The following PCDHGB7 variants were observed in gnomAD, a reference collection of about 807,000 sequenced individuals.
The protein encoded by PCDHGB7 is protocadherin gamma-B7.
In PCDHGB7, 37 loss-of-function variants were observed where a neutral mutation model predicts 61.4. The ratio of observed to expected loss-of-function variants is 0.60; its 90% confidence interval spans 0.46 to 0.79. PCDHGB7 has a LOEUF of 0.79. Among genes scored for constraint, PCDHGB7 ranks in the 30% least tolerant of loss-of-function variants. The pLI is 0.00. For synonymous variants in PCDHGB7, 464 were observed against 503.5 expected, an observed-to-expected ratio of 0.92 and a Z score of 1.05; for missense variants, 1,166 against 1,202.5, an observed-to-expected ratio of 0.97 and a Z score of 0.45.
At chr5:141,441,655 C>A in intron 1 of PCDHGB7, 1 of 247,430 alleles carries the variant, frequency 4.0e-6, no homozygotes. Context: ...TTCTAGGTGT[C>A]CTTGAGCGCA....
intron 1 of PCDHGB7, among the ~76,000 whole-genome samples, chr5:141,425,778 C>G (rs2096893107): frequency 6.6e-6 from 1 of 152,160 alleles, no homozygotes; most frequent in African/African-American, 2.4e-5. Flanking sequence ...AAGACTTTGC[C>G]TAGTTCTTCC....
At position 141,494,925 on chromosome 5, in the gene PCDHGB7, G is replaced by A. The variant is rs936071950; in HGVS notation, c.2474+60G>A. On this transcript the variant is annotated intron_variant, in intron 2 of 3. Coordinates refer to ENST00000398594, the MANE Select transcript of PCDHGB7 (RefSeq NM_018927.4). ...TGCGGCATTTTCTCAGGGATGACGT[G>A]GGAGGAGATGGGGGAGGGCCCAGCA... is the stretch of plus-strand genomic sequence containing the variant. The A allele has an allele frequency of 3.3e-4, 525 of 1,613,316 alleles. 2 individuals carry two copies. Among genetic ancestry groups the A allele is most frequent in the Admixed American group, 4.7e-4 (28 of 59,956 alleles).
At chr5:141,443,872 A>G (rs1446612063) in intron 1 of PCDHGB7, among the ~76,000 whole-genome samples, 1 of 152,212 alleles carries the variant, frequency 6.6e-6, no homozygotes, top group South Asian at 2.1e-4. Context: ...AAAATTACTG[A>G]TAAGTCAAGA....
In PCDHGB7 at chr5:141,511,335, A is replaced by T; in HGVS notation, c.*162A>T. 7.0e-7 allele frequency: 1 copy of T among 1,438,820 alleles called. No homozygotes were observed. The highest frequency in any genetic ancestry group is 9.2e-7 in the Non-Finnish European group (1 of 1,083,596). The allele number at this position is 1,438,820 out of a possible 1,614,324, so 89.1% of individuals were successfully genotyped here. A position where few individuals can be genotyped will look rare whatever the true frequency, so the allele number is the denominator to read the frequency against. On this transcript the variant is annotated 3_prime_UTR_variant, in exon 4 of 4. Coordinates refer to ENST00000398594, the MANE Select transcript of PCDHGB7 (RefSeq NM_018927.4). ...AAACAGAAACAAGTGCCCAGTCAGC[A>T]CCTACCCCTTCCCCCCCAGGGGGTT...
At position 141,476,151 on chromosome 5, in the gene PCDHGB7, G is replaced by A; in HGVS notation, c.2416-18656G>A. Reference sequence around the variant, plus strand: ...GAGGCCTGGAGGAGCGGACTGGTAAGCACCGGGAGGGTAGTGGGAGTTTTG... The same window carrying A: ...GAGGCCTGGAGGAGCGGACTGGTAAACACCGGGAGGGTAGTGGGAGTTTTG... On this transcript the variant is annotated intron_variant, in intron 1 of 3. Transcript: ENST00000398594. This position sits in a 1 kb window ranked among gnomAD's most constrained non-coding sequence, Gnocchi z 7.6. 1 of 1,612,022 alleles carries A rather than the reference G, an allele frequency of 6.2e-7. No individual in the cohort carries two copies. Among genetic ancestry groups the A allele is most frequent in the Admixed American group, 1.7e-5 (1 of 60,014 alleles).
At chr5:141,488,784 T>C (rs116057353) in intron 1 of PCDHGB7, among the ~76,000 whole-genome samples, 1 of 152,248 alleles carries the variant, frequency 6.6e-6, no homozygotes, top group African/African-American at 2.4e-5. Flanking sequence ...TTGTATCACT[T>C]TGTCTTCCCT....
chr5:141,433,232 C>T (rs1344380820), intron 1 of PCDHGB7: 1 of 1,516,488 alleles, frequency 6.6e-7, no homozygotes, highest in Admixed American at 1.9e-5. Flanking sequence ...ATTGCTCTGT[C>T]TCCCAAGCTG....
chr5:141,500,894 C>G (rs1221911920), intron 2 of PCDHGB7, among the ~76,000 whole-genome samples: 1 of 150,982 alleles, frequency 6.6e-6, no homozygotes, highest in African/African-American at 2.4e-5. Flanking sequence ...TTTTTTGAGA[C>G]AGTCTCGCTC....
In PCDHGB7 at chr5:141,423,740, GA is replaced by G. The variant is rs778655137; in HGVS notation, c.2415+3470del. 7 of 698,952 alleles carry G rather than the reference GA, an allele frequency of 1.0e-5. No individual in the cohort carries two copies. The African/African-American group carries it at 1.9e-4, about 19-fold the overall frequency. The allele number at this position is 698,952 out of a possible 1,614,324, so 43.3% of individuals were successfully genotyped here. ...AGGAGATGTTTTTTGAGCCTGTTAT[GA>G]AAACTGTTTGGGGGGGGGGTGGGGC... On this transcript the variant is annotated intron_variant, in intron 1 of 3. Coordinates refer to ENST00000398594, the MANE Select transcript of PCDHGB7 (RefSeq NM_018927.4).
chr5:141,432,452 C>G lies in PCDHGB7; in HGVS notation c.2415+12178C>G. The G allele has an allele frequency of 6.2e-7, 1 of 1,614,212 alleles. No individual in the cohort carries two copies. The highest frequency in any genetic ancestry group is 8.5e-7 in the Non-Finnish European group (1 of 1,180,042). On this transcript the variant is annotated intron_variant, in intron 1 of 3. Coordinates refer to ENST00000398594, the MANE Select transcript of PCDHGB7 (RefSeq NM_018927.4). The surrounding 1 kb of genome is among the most constrained non-coding windows in gnomAD (Gnocchi z 6.0). ...CGACAATGCGCCCGAGATCCTGTACCCCGCCCTCCCCACGGACGGTTCCAC... is the reference window on the plus strand; with the variant it reads ...CGACAATGCGCCCGAGATCCTGTACGCCGCCCTCCCCACGGACGGTTCCAC...
rs766168062 is a variant in PCDHGB7, at chr5:141,491,124, G to A, written c.2416-3683G>A. ...TCGTGTCTACACACACTGGTGAGGT[G>A]CGCACAGCCCGGGCCTTACTGGAGG... On this transcript the variant is annotated intron_variant, in intron 1 of 3. Transcript: ENST00000398594. The surrounding 1 kb of genome is among the most constrained non-coding windows in gnomAD (Gnocchi z 6.9). 22 of 1,614,092 alleles carry A rather than the reference G, an allele frequency of 1.4e-5. No individual in the cohort carries two copies. The highest frequency in any genetic ancestry group is 3.3e-5 in the Admixed American group (2 of 60,004).
In PCDHGB7 at chr5:141,432,296, G is replaced by T; in HGVS notation, c.2415+12022G>T. On this transcript the variant is annotated intron_variant, in intron 1 of 3. Coordinates refer to ENST00000398594, the MANE Select transcript of PCDHGB7 (RefSeq NM_018927.4). This position sits in a 1 kb window ranked among gnomAD's most constrained non-coding sequence, Gnocchi z 6.0. ...CGTGTCCATCAACTCCGACACTGGG[G>T]TACTGTATGCGCTGAGCTCCTTCGA... 1 of 1,614,224 alleles carries T rather than the reference G, an allele frequency of 6.2e-7. No individual in the cohort carries two copies. Among genetic ancestry groups the T allele is most frequent in the Non-Finnish European group, 8.5e-7 (1 of 1,180,044 alleles).
intron 1 of PCDHGB7, chr5:141,422,453 G>GA: frequency 6.2e-7 from 1 of 1,611,704 alleles, no homozygotes. Context: ...ATAACAAGCA[G>GA]AGTGCTGGAC....
intron 1 of PCDHGB7, among the ~76,000 whole-genome samples, chr5:141,484,306 C>T (rs1009067603): frequency 6.6e-6 from 1 of 152,184 alleles, no homozygotes; most frequent in African/African-American, 2.4e-5. Context: ...GCTTCCTCCA[C>T]CCCGCTTCCA....
chr5:141,465,777 C>G (rs2099109055), intron 1 of PCDHGB7, among the ~76,000 whole-genome samples: 2 of 151,768 alleles, frequency 1.3e-5, no homozygotes, highest in African/African-American at 2.4e-5. Flanking sequence ...TCTCTTGTTA[C>G]AGTTTTTTTT....
chr5:141,456,026 T>A (rs2098840894), intron 1 of PCDHGB7, among the ~76,000 whole-genome samples: 1 of 151,690 alleles, frequency 6.6e-6, no homozygotes, highest in African/African-American at 2.4e-5. Context: ...GCCTCCCGAG[T>A]AGCTGGGACT....
Position 141,489,492 on chromosome 5 carries a change from G to T in PCDHGB7, c.2416-5315G>T, listed in dbSNP as rs1258376136. On this transcript the variant is annotated intron_variant, in intron 1 of 3. Coordinates refer to ENST00000398594, the MANE Select transcript of PCDHGB7 (RefSeq NM_018927.4). The surrounding 1 kb of genome is among the most constrained non-coding windows in gnomAD (Gnocchi z 4.5). ...CCCTGAGCTTGATGAGTGGTGCCCT[G>T]GCAGTGAATCAAAAGATTGACCGAG... 1 of 1,614,042 alleles carries T rather than the reference G, an allele frequency of 6.2e-7. No individual in the cohort carries two copies. The highest frequency in any genetic ancestry group is 1.1e-5 in the South Asian group (1 of 91,078).
chr5:141,504,474 G>A (rs903417314), intron 2 of PCDHGB7, among the ~76,000 whole-genome samples: 1 of 152,066 alleles, frequency 6.6e-6, no homozygotes, highest in African/African-American at 2.4e-5. Context: ...TGGGATGGGA[G>A]TACAGTGGAG....
In PCDHGB7 at chr5:141,442,072, C is replaced by G. The variant is rs1034351866; in HGVS notation, c.2415+21798C>G. On this transcript the variant is annotated intron_variant, in intron 1 of 3. Transcript: ENST00000398594. ...GTCGCGGTGCACTGCGGTGGACAGC[C>G]GCTCCTCTCGCTACCGCCACGTCAC... 17 of 175,092 alleles carry G rather than the reference C, an allele frequency of 9.7e-5. No homozygotes were observed. The South Asian group carries it at 1.5e-3, about 16-fold the overall frequency. 10.8% of individuals were successfully genotyped at this position (175,092 alleles called of 1,614,324 possible). A position where few individuals can be genotyped will look rare whatever the true frequency, so the allele number is the denominator to read the frequency against.
Sources: allele counts gnomAD v4.1 joint callset (sites outside exome capture counted in the v4.1 genomes callset), GRCh38; gene constraint gnomAD v4.1.1; non-coding constraint Gnocchi (gnomAD v3.1); transcripts MANE v1.5; gene names NCBI Gene and HGNC (gene_info 2026-07-23, HGNC 2026-07-21).